REDIC1: variants seen among roughly 807,000 people sequenced by gnomAD.
The protein encoded by REDIC1 is HEI10 Interacting Protein 1.
the REDIC1 span, among the ~76,000 whole-genome samples, chr12:39,723,307 G>A: frequency 6.6e-6 from 1 of 152,096 alleles, no homozygotes; most frequent in Non-Finnish European, 1.5e-5. Context: ...AAATCTGAGG[G>A]TGGTCTTGGA....
the REDIC1 span, among the ~76,000 whole-genome samples, chr12:39,814,680 A>G: frequency 2.0e-5 from 3 of 152,298 alleles, no homozygotes; most frequent in African/African-American, 7.2e-5. Context: ...ATCTCATACA[A>G]TTACGTCTGC....
At chr12:39,735,494 A>G in the REDIC1 span, among the ~76,000 whole-genome samples, 1 of 152,248 alleles carries the variant, frequency 6.6e-6, no homozygotes, top group Non-Finnish European at 1.5e-5. Context: ...AAAATGGCAG[A>G]TGAGAGTGTT....
the REDIC1 span, among the ~76,000 whole-genome samples, chr12:39,827,529 C>T: frequency 6.6e-6 from 1 of 152,142 alleles, no homozygotes. Flanking sequence ...ACCACTTACA[C>T]TCTTTTGTGA....
At chr12:39,879,558 T>A in the REDIC1 span, among the ~76,000 whole-genome samples, 1 of 152,378 alleles carries the variant, frequency 6.6e-6, no homozygotes, top group East Asian at 1.9e-4. Context: ...ACAGCCCTGC[T>A]GGGTTTCAAA....
chr12:39,731,131 C>T, the REDIC1 span, among the ~76,000 whole-genome samples: 1 of 152,062 alleles, frequency 6.6e-6, no homozygotes, highest in Non-Finnish European at 1.5e-5. Context: ...TTTGTTATTA[C>T]CCACCTTCTG....
the REDIC1 span, among the ~76,000 whole-genome samples, chr12:39,778,966 T>G: frequency 2.0e-5 from 3 of 152,134 alleles, no homozygotes; most frequent in Admixed American, 6.5e-5. Flanking sequence ...GAAAAACCAC[T>G]AATTGCAGGG....
chr12:39,715,831 G>A, the REDIC1 span, among the ~76,000 whole-genome samples: 1 of 152,048 alleles, frequency 6.6e-6, no homozygotes, highest in Admixed American at 6.6e-5. Context: ...TGGACTGAAT[G>A]AACCTTATTG....
the REDIC1 span, among the ~76,000 whole-genome samples, chr12:39,729,393 T>C: frequency 6.6e-6 from 1 of 152,228 alleles, no homozygotes; most frequent in East Asian, 1.9e-4. Context: ...TACTTATTTA[T>C]TTCTATCTTC....
At chr12:39,672,706 G>A in the REDIC1 span, among the ~76,000 whole-genome samples, 2 of 152,164 alleles carry the variant, frequency 1.3e-5, no homozygotes, top group South Asian at 2.1e-4. Context: ...GTGGGCTAGA[G>A]TACTGGGGGG....
the REDIC1 span, among the ~76,000 whole-genome samples, chr12:39,823,528 T>C: frequency 6.6e-6 from 1 of 152,236 alleles, no homozygotes. Context: ...GCTATCACCA[T>C]AGATGAACTG....
the REDIC1 span, among the ~76,000 whole-genome samples, chr12:39,838,349 G>T: frequency 5.4e-5 from 6 of 111,804 alleles, no homozygotes; most frequent in Middle Eastern, 4.8e-3. Flanking sequence ...GGTGGGGTGG[G>T]GGGAGGGGGG....
chr12:39,787,584 T>A, the REDIC1 span, among the ~76,000 whole-genome samples: 1 of 152,186 alleles, frequency 6.6e-6, no homozygotes, highest in South Asian at 2.1e-4. Flanking sequence ...TGGCTTCCTC[T>A]TCAGTCCCTA....
the REDIC1 span, among the ~76,000 whole-genome samples, chr12:39,712,089 C>CCGGT: frequency 3.4e-4 from 34 of 100,426 alleles, no homozygotes; most frequent in South Asian, 3.9e-3. Context: ...TGTATATATA[C>CCGGT]ATACATATAT....
chr12:39,780,988 C>T, the REDIC1 span, among the ~76,000 whole-genome samples: 3 of 152,172 alleles, frequency 2.0e-5, no homozygotes, highest in Admixed American at 1.3e-4. Context: ...AAGTCATTAT[C>T]GTAAAACTAT....
At chr12:39,710,534 G>A in the REDIC1 span, among the ~76,000 whole-genome samples, 4 of 151,698 alleles carry the variant, frequency 2.6e-5, no homozygotes, top group African/African-American at 9.7e-5. Flanking sequence ...AATCTAAAAT[G>A]TACCTCCATT....
the REDIC1 span, among the ~76,000 whole-genome samples, chr12:39,742,162 G>A: frequency 2.0e-5 from 3 of 152,156 alleles, no homozygotes; most frequent in South Asian, 2.1e-4. Flanking sequence ...GGGTCCACTC[G>A]GTCAGTGGGG....
At chr12:39,712,081 T>C in the REDIC1 span, among the ~76,000 whole-genome samples, 2 of 109,008 alleles carry the variant, frequency 1.8e-5, no homozygotes, top group Non-Finnish European at 4.0e-5. Flanking sequence ...TACCGGTATG[T>C]ATATATACAT....
chr12:39,712,314 GTATA>G, the REDIC1 span, among the ~76,000 whole-genome samples: 1 of 41,628 alleles, frequency 2.4e-5, no homozygotes, highest in Non-Finnish European at 7.1e-5. Context: ...ACATATATAT[GTATA>G]TATACATATG....
At chr12:39,752,408 T>G in the REDIC1 span, among the ~76,000 whole-genome samples, 1 of 152,116 alleles carries the variant, frequency 6.6e-6, no homozygotes, top group Non-Finnish European at 1.5e-5. Context: ...CCCAACACCA[T>G]TCCCCCATCA....
Sources: gnomAD v4.1 joint callset for allele counts (sites outside exome capture counted in the v4.1 genomes callset) on GRCh38, gnomAD v4.1.1 for gene constraint, MANE v1.5 for transcripts, NCBI Gene and HGNC (gene_info 2026-07-23, HGNC 2026-07-21) for gene names.